MECR: variants seen among roughly 807,000 people sequenced by gnomAD.
MECR encodes the protein mitochondrial trans-2-enoyl-CoA reductase, also known as enoyl-[acyl-carrier-protein] reductase, mitochondrial.
In MECR, 37 loss-of-function variants were observed where a neutral mutation model predicts 49.1. The observed-to-expected ratio is 0.75, with a 90% CI of 0.58 to 0.99. The LOEUF (loss-of-function observed/expected upper bound fraction) is 0.99. Ranked by LOEUF, MECR falls within the 50% of genes least tolerant of loss-of-function variation. MECR has a pLI of 0.00. For missense variants in MECR, 470 were observed against 479.6 expected (o/e 0.98, Z 0.19); for synonymous variants, 198 against 191.1 (o/e 1.04, Z -0.30).
chr1:29,223,108 C>T, intron 1 of MECR: 1 of 985,472 alleles, frequency 1.0e-6, no homozygotes, highest in African/African-American at 1.7e-5. Flanking sequence ...CCCAACCCAG[C>T]CTGGCTAGAT....
At chr1:29,181,551 C>T in the MECR span, 3 of 1,128,904 alleles carry the variant, frequency 2.7e-6, no homozygotes, top group East Asian at 2.9e-5. Flanking sequence ...GTAGCCGCTC[C>T]GCGCGGACCA....
the MECR span, among the ~76,000 whole-genome samples, chr1:29,180,080 T>C: frequency 6.6e-6 from 1 of 152,236 alleles, no homozygotes; most frequent in Admixed American, 6.5e-5. Context: ...GCTTTACATT[T>C]ATTATCTCTA....
chr1:29,218,365 A>T (rs1227695983), intron 1 of MECR, among the ~76,000 whole-genome samples: 2 of 152,150 alleles, frequency 1.3e-5, no homozygotes, highest in African/African-American at 4.8e-5. Flanking sequence ...CTTAGATTTC[A>T]TGTTTGCAAT....
At chr1:29,220,993 C>A in intron 1 of MECR, 1 of 806,932 alleles carries the variant, frequency 1.2e-6, no homozygotes, top group Non-Finnish European at 1.5e-6. Flanking sequence ...CGTAATTCAA[C>A]AAATATTTAT....
chr1:29,185,304 A>G, the MECR span, among the ~76,000 whole-genome samples: 1 of 152,084 alleles, frequency 6.6e-6, no homozygotes, highest in African/African-American at 2.4e-5. Context: ...GCTGGAATAC[A>G]GTGGCATGAT....
downstream of MECR, among the ~76,000 whole-genome samples, chr1:29,189,694 A>G (rs1350728891): frequency 1.3e-5 from 2 of 152,116 alleles, no homozygotes; most frequent in African/African-American, 4.8e-5. Context: ...CCTGAAATTC[A>G]GAACCTGGGA....
the MECR span, chr1:29,169,030 T>C: frequency 6.6e-6 from 1 of 152,268 alleles, no homozygotes; most frequent in Non-Finnish European, 1.5e-5. Flanking sequence ...TAAAAACTAT[T>C]TTTAACATGC....
chr1:29,219,198 G>A (rs1464318429), intron 1 of MECR, among the ~76,000 whole-genome samples: 1 of 152,206 alleles, frequency 6.6e-6, no homozygotes, highest in Non-Finnish European at 1.5e-5. Flanking sequence ...TGTGTATTAA[G>A]TCTGCATTCA....
At chr1:29,216,711 T>G (rs1454020941) in intron 1 of MECR, 26 bp from the exon 2 acceptor site, 2 of 1,614,102 alleles carry the variant, frequency 1.2e-6, no homozygotes, top group Non-Finnish European at 1.7e-6. Context: ...AACGGAGATG[T>G]TCATGTCATC....
At chr1:29,167,872 C>T in the MECR span, among the ~76,000 whole-genome samples, 1 of 152,154 alleles carries the variant, frequency 6.6e-6, no homozygotes, top group Admixed American at 6.5e-5. Context: ...TATTATTATT[C>T]TTCTCATTTT....
chr1:29,220,228 T>TAA lies in MECR; in HGVS notation c.177-3545_177-3544dup, dbSNP rs63347560. ...CAACATGGCGAAACCCCGTCTCTACTAAAAAAAAAAAAAAATACAAAAATT... is the reference window on the plus strand; with the variant it reads ...CAACATGGCGAAACCCCGTCTCTACTAAAAAAAAAAAAAAAAATACAAAAATT... On this transcript the variant is annotated intron_variant, in intron 1 of 9. Transcript: ENST00000263702. Among the ~76,000 whole-genome samples the TAA allele has an allele frequency of 2.8e-3, 390 of 140,304 alleles. 2 individuals are homozygous for TAA. Among genetic ancestry groups the TAA allele is most frequent in the African/African-American group, 6.0e-3 (227 of 37,872 alleles). 92.0% of individuals were successfully genotyped at this position (140,304 alleles called of 152,430 possible). A position where few individuals can be genotyped will look rare whatever the true frequency, so the allele number is the denominator to read the frequency against.
intron 9 of MECR, among the ~76,000 whole-genome samples, chr1:29,195,225 C>T (rs1250645933): frequency 1.3e-5 from 2 of 152,202 alleles, no homozygotes; most frequent in Non-Finnish European, 2.9e-5. Flanking sequence ...AATTTTCCAG[C>T]CCCAGCTCAG....
downstream of MECR, among the ~76,000 whole-genome samples, chr1:29,187,990 T>C (rs1178603879): frequency 7.4e-6 from 1 of 135,072 alleles, no homozygotes; most frequent in Admixed American, 7.9e-5. Context: ...TGAGCTGAGA[T>C]TGTGCCACTG....
At chr1:29,178,426 C>G in the MECR span, among the ~76,000 whole-genome samples, 3 of 150,668 alleles carry the variant, frequency 2.0e-5, no homozygotes, top group Non-Finnish European at 4.4e-5. Context: ...TCACTGCAAG[C>G]TCCACCTCCC....
intron 1 of MECR, chr1:29,223,180 G>A (rs1574496339): frequency 3.0e-6 from 3 of 985,388 alleles, no homozygotes; most frequent in Middle Eastern, 1.0e-3. Context: ...CATGCAACTC[G>A]AGGGGATGCC....
chr1:29,181,821 CACGGCGGCAGCGGCG>C, the MECR span: 7 of 1,342,592 alleles, frequency 5.2e-6, no homozygotes, highest in Non-Finnish European at 9.7e-7. Context: ...AAAGCGAGAG[CACGGCGGCAGCGGCG>C]GCGGCGGCAA....
Position 29,216,701 on chromosome 1 carries a change from A to G in MECR, c.177-16T>C, listed in dbSNP as rs749746380. 8 of 1,614,042 alleles carry G rather than the reference A, an allele frequency of 5.0e-6. No homozygotes were observed. Among genetic ancestry groups the G allele is most frequent in the Non-Finnish European group, 6.8e-6 (8 of 1,180,006 alleles). ...GTTCTTGAGTCTAAGCACAAAGCCAAACGGAGATGTTCATGTCATCCAGGC... is the reference window on the plus strand; with the variant it reads ...GTTCTTGAGTCTAAGCACAAAGCCAGACGGAGATGTTCATGTCATCCAGGC... On this transcript the variant is annotated splice_polypyrimidine_tract_variant and intron_variant, in intron 1 of 9. Transcript: ENST00000263702.
intron 5 of MECR, 129 bp from the exon 6 acceptor site, chr1:29,202,174 A>T: frequency 1.3e-6 from 1 of 754,490 alleles, no homozygotes. Flanking sequence ...GGTTTAAGCC[A>T]GGCTTGAGCA....
intron 4 of MECR, 116 bp from the exon 5 acceptor site, chr1:29,203,349 A>C: frequency 1.4e-6 from 1 of 702,268 alleles, no homozygotes; most frequent in Non-Finnish European, 2.4e-6. Context: ...ACAGGGACCC[A>C]GGACCTGGCT....
Sources: gnomAD v4.1 joint callset for allele counts (sites outside exome capture counted in the v4.1 genomes callset) on GRCh38, gnomAD v4.1.1 for gene constraint, MANE v1.5 for transcripts, NCBI Gene and HGNC (gene_info 2026-07-23, HGNC 2026-07-21) for gene names.